Variants in FBXO25 observed in about 807,000 individuals in gnomAD.
FBXO25 encodes F-box only protein 25.
A neutral mutation model predicts 51.9 loss-of-function variants in FBXO25; 45 were observed. The observed-to-expected ratio is 0.87, with a 90% CI of 0.68 to 1.11. FBXO25 has a LOEUF of 1.11. Ranked by LOEUF, FBXO25 falls within the 50% of genes most tolerant of loss-of-function variation. The pLI is 0.00. For missense variants in FBXO25, 507 were observed against 428.5 expected, an observed-to-expected ratio of 1.18 and a Z score of -1.62; for synonymous variants, 199 against 151.0, an observed-to-expected ratio of 1.32 and a Z score of -2.33.
intron 7 of FBXO25, among the ~76,000 whole-genome samples, chr8:457,474 C>T (rs561747011): frequency 3.9e-4 from 60 of 152,264 alleles, no homozygotes; most frequent in Non-Finnish European, 5.7e-4. Flanking sequence ...ATTGCATTTA[C>T]TCTCTGGCGT....
chr8:409,483 T>A (rs2053791), intron 1 of FBXO25, among the ~76,000 whole-genome samples: 2 of 152,204 alleles, frequency 1.3e-5, no homozygotes, highest in African/African-American at 2.4e-5. Flanking sequence ...AAATGAATTA[T>A]CTGTAGAGTT....
chr8:447,812 A>G (rs1263397565), intron 5 of FBXO25, among the ~76,000 whole-genome samples: 1 of 152,196 alleles, frequency 6.6e-6, no homozygotes, highest in Non-Finnish European at 1.5e-5. Context: ...TTGTGGCATC[A>G]TGTCCATGCT....
intron 2 of FBXO25, among the ~76,000 whole-genome samples, chr8:423,825 G>C (rs1195186985): frequency 6.6e-6 from 1 of 152,208 alleles, no homozygotes; most frequent in African/African-American, 2.4e-5. Context: ...GGGGTTGCTG[G>C]ATAGAATGGT....
intron 9 of FBXO25, chr8:468,232 G>A: frequency 9.9e-7 from 1 of 1,010,120 alleles, no homozygotes; most frequent in Non-Finnish European, 1.2e-6. Context: ...TGGGGGCTGA[G>A]GCCGTGTGTC....
intron 2 of FBXO25, among the ~76,000 whole-genome samples, chr8:427,940 A>T (rs1797593445): frequency 6.6e-6 from 1 of 152,110 alleles, no homozygotes; most frequent in Non-Finnish European, 1.5e-5. Flanking sequence ...TTAAAACCCT[A>T]GAGTGGTCTG....
intron 3 of FBXO25, among the ~76,000 whole-genome samples, 179 bp from the exon 4 acceptor site, chr8:432,707 T>A (rs1472682133): frequency 1.5e-4 from 23 of 152,236 alleles, no homozygotes. Context: ...ATTGTTCATA[T>A]CTTAAACTGA....
rs1585121508 is a variant in FBXO25 at position 473,967 on chromosome 8, CTATTT to C, written c.*5166_*5170del. The C allele has an allele frequency of 6.6e-6, 1 of 152,162 alleles. No individual in the cohort carries two copies. The highest frequency in any genetic ancestry group is 2.4e-5 in the African/African-American group (1 of 41,432). The allele number at this position is 152,162 out of a possible 1,614,324, so 9.4% of individuals were successfully genotyped here. A position where few individuals can be genotyped will look rare whatever the true frequency, so the allele number is the denominator to read the frequency against. ...ATACACGTGAAATTTACCATCTTAC[CTATTT>C]TAAGTGTGCAATTTAGTGGCATTAA... On this transcript the variant is annotated 3_prime_UTR_variant, in exon 10 of 10. Coordinates refer to ENST00000350302, the MANE Select transcript of FBXO25 (RefSeq NM_183420.2).
intron 2 of FBXO25, among the ~76,000 whole-genome samples, chr8:425,568 T>A (rs558046814): frequency 6.6e-6 from 1 of 151,658 alleles, no homozygotes; most frequent in Non-Finnish European, 1.5e-5. Flanking sequence ...TTATTCTTTT[T>A]CTGGCTTTTT....
chr8:414,515 G>C lies in FBXO25; in HGVS notation c.134+1302G>C, dbSNP rs181753212. ...AGTGCAGTGTTACTGCTGCATCTGCGGTGAGGAATTTGTGGGAATTTGTTT... is the reference window on the plus strand; with the variant it reads ...AGTGCAGTGTTACTGCTGCATCTGCCGTGAGGAATTTGTGGGAATTTGTTT... On this transcript the variant is annotated intron_variant, in intron 2 of 9. Transcript: ENST00000350302. Among the ~76,000 whole-genome samples, 272 of 152,180 alleles carry C rather than the reference G, an allele frequency of 1.8e-3. 1 individual carries two copies. The highest frequency in any genetic ancestry group is 6.2e-3 in the African/African-American group (259 of 41,514).
chr8:420,016 G>C (rs1248368197), intron 2 of FBXO25, among the ~76,000 whole-genome samples: 1 of 152,098 alleles, frequency 6.6e-6, no homozygotes, highest in Non-Finnish European at 1.5e-5. Flanking sequence ...ATGCAAATAA[G>C]CAGAGAAAAA....
intron 1 of FBXO25, among the ~76,000 whole-genome samples, chr8:410,302 G>A (rs1443621889): frequency 1.3e-5 from 2 of 152,068 alleles, no homozygotes; most frequent in Non-Finnish European, 2.9e-5. Context: ...TAGTTCCTTA[G>A]CTAAATTGCA....
rs992504636 is a variant in FBXO25 at position 474,266 on chromosome 8, G to C, written c.*5462G>C. 8.2e-5 allele frequency: 15 copies of C among 182,106 alleles called. No homozygotes were observed. The highest frequency in any genetic ancestry group is 1.7e-4 in the Admixed American group (3 of 17,150). 11.3% of individuals were successfully genotyped at this position (182,106 alleles called of 1,614,324 possible). A position where few individuals can be genotyped will look rare whatever the true frequency, so the allele number is the denominator to read the frequency against. ...CGTAATGTCCTCAAGGTTTATTCAA[G>C]TTGTAGGATATGTCAAGATTTCTTT... On this transcript the variant is annotated 3_prime_UTR_variant, in exon 10 of 10. Transcript: ENST00000350302.
Position 450,003 on chromosome 8 carries a change from T to C in FBXO25, c.395T>C (p.Ile132Thr), listed in dbSNP as rs749193118. 1.2e-6 allele frequency: 2 copies of C among 1,610,868 alleles called. No individual in the cohort carries two copies. The highest frequency in any genetic ancestry group is 1.7e-6 in the Non-Finnish European group (2 of 1,178,854). The change falls in exon 6 of 10, where the codon ATT becomes ACT. Residue 132 changes from isoleucine (I) to threonine (T), a missense_variant. By Grantham distance (89) the Ile-to-Thr change is moderately conservative (BLOSUM62 -1). Transcript: ENST00000350302. Reference protein sequence around the residue: ...FNYVVKLLQLIAKSQLTSLSG... With the variant: ...FNYVVKLLQLTAKSQLTSLSG... The stretch of plus-strand genomic sequence containing the variant: ...CTTTCCTTTAAGCTGTTGCAGCTAA[T>C]TGCAAAATCCCAGTTAACTTCATTG...
chr8:413,898 AC>A (rs1796640271), intron 2 of FBXO25, among the ~76,000 whole-genome samples: 1 of 152,200 alleles, frequency 6.6e-6, no homozygotes, highest in Non-Finnish European at 1.5e-5. Context: ...TGAGCACAGT[AC>A]CAGGGTAGGT....
rs551134813 is a variant in FBXO25 at position 473,209 on chromosome 8, G to C, written c.*4405G>C. ...ACTTTGGAAAGCAGTGTCCCCCCGC[G>C]TCCCATGGGCTAAATGCCACTGAGC... On this transcript the variant is annotated 3_prime_UTR_variant, in exon 10 of 10. Transcript: ENST00000350302. 4 of 152,392 alleles carry C rather than the reference G, an allele frequency of 2.6e-5. No individual in the cohort carries two copies. The highest frequency in any genetic ancestry group is 9.6e-5 in the African/African-American group (4 of 41,586). 9.4% of individuals were successfully genotyped at this position (152,392 alleles called of 1,614,324 possible).
chr8:440,616 C>T (rs947134405), intron 5 of FBXO25, among the ~76,000 whole-genome samples: 3 of 151,794 alleles, frequency 2.0e-5, no homozygotes, highest in African/African-American at 7.3e-5. Flanking sequence ...ACTTTAAGTT[C>T]TGGTATACAT....
intron 2 of FBXO25, among the ~76,000 whole-genome samples, chr8:420,790 G>A (rs145759831): frequency 2.1e-4 from 32 of 152,326 alleles, no homozygotes; most frequent in South Asian, 1.2e-3. Context: ...TGGGGAAAAG[G>A]AGTTGATGAC....
chr8:440,791 T>C (rs2116648083), intron 5 of FBXO25, among the ~76,000 whole-genome samples: 1 of 146,762 alleles, frequency 6.8e-6, no homozygotes, highest in African/African-American at 2.5e-5. Flanking sequence ...CCTGTGCCCA[T>C]GTGTTCTCAT....
At chr8:412,501 G>T (rs1249910138) in intron 1 of FBXO25, among the ~76,000 whole-genome samples, 1 of 152,162 alleles carries the variant, frequency 6.6e-6, no homozygotes, top group East Asian at 1.9e-4. Flanking sequence ...CTGTGATACT[G>T]AGTTCTTTGT....
Sources: allele counts gnomAD v4.1 joint callset (sites outside exome capture counted in the v4.1 genomes callset), GRCh38; gene constraint gnomAD v4.1.1; transcripts MANE v1.5; gene names NCBI Gene and HGNC (gene_info 2026-07-23, HGNC 2026-07-21).